Variants in KIAA0753 observed in about 807,000 individuals in gnomAD.
KIAA0753 encodes the protein KIAA0753, also known as protein moonraker.
A neutral mutation model predicts 116.9 loss-of-function variants in KIAA0753; 114 were observed. The observed-to-expected ratio is 0.98, with a 90% CI of 0.84 to 1.14. The LOEUF (loss-of-function observed/expected upper bound fraction) is 1.14. Among genes scored for constraint, KIAA0753 ranks in the 50% most tolerant of loss-of-function variants. KIAA0753 has a pLI of 0.00. For synonymous variants in KIAA0753, 405 were observed against 413.1 expected (o/e 0.98, Z 0.24); for missense variants, 1,156 against 1,172.4 (o/e 0.99, Z 0.20).
At chr17:6,614,427 C>A (rs1970745691) in intron 7 of KIAA0753, among the ~76,000 whole-genome samples, 1 of 150,732 alleles carries the variant, frequency 6.6e-6, no homozygotes, top group South Asian at 2.1e-4. Context: ...ATAAGGGAAA[C>A]CTATACAGCA....
chr17:6,603,545 G>C (rs1970006429), intron 12 of KIAA0753, among the ~76,000 whole-genome samples: 1 of 152,172 alleles, frequency 6.6e-6, no homozygotes, highest in Non-Finnish European at 1.5e-5. Flanking sequence ...TCTTCTTCCT[G>C]TTAATTACAA....
rs749310878 is a variant in KIAA0753, at chr17:6,623,541, A to G, written c.856T>C (p.Leu286=). 1 of 1,610,760 alleles carries G rather than the reference A, an allele frequency of 6.2e-7. No homozygotes were observed. Among genetic ancestry groups the G allele is most frequent in the Non-Finnish European group, 8.5e-7 (1 of 1,178,018 alleles). Residue 286 remains leucine, a synonymous_variant, in exon 5 of 19, where the codon TTG becomes CTG. Coordinates refer to ENST00000361413, the MANE Select transcript of KIAA0753 (RefSeq NM_014804.3). The stretch of plus-strand genomic sequence containing the variant: ...GTGTGTTTAATTTTATGTGGACTCA[A>G]TTTATCCAATTCTTCCTGGATTTCT... The part of the protein sequence containing the change: ...VKEIQEELDK[L]SPHKIKHTKK...
chr17:6,599,284 T>C lies in KIAA0753; in HGVS notation c.2125A>G (p.Lys709Glu). 7 of 1,613,876 alleles carry C rather than the reference T, an allele frequency of 4.3e-6. No homozygotes were observed. The highest frequency in any genetic ancestry group is 5.9e-6 in the Non-Finnish European group (7 of 1,179,760). Residue 709 changes from lysine (K) to glutamate (E), a missense_variant, in exon 14 of 19, where the codon AAA becomes GAA. Lys to Glu is a moderately conservative substitution (Grantham distance 56). Coordinates refer to ENST00000361413, the MANE Select transcript of KIAA0753 (RefSeq NM_014804.3). ...GCTGTGTTTACTGACGAGCCATCTT[T>C]CAAATGAATATTTGCTTCTGTAGTA... ...NSTTEANIHL[K>E]DGSSVNTAKA...
chr17:6,609,110 A>T (rs1970374707), intron 9 of KIAA0753, among the ~76,000 whole-genome samples: 1 of 152,216 alleles, frequency 6.6e-6, no homozygotes, highest in African/African-American at 2.4e-5. Flanking sequence ...CTTGAAAATG[A>T]GAGTGGATGG....
At chr17:6,610,890 C>G (rs1342516512) in intron 8 of KIAA0753, among the ~76,000 whole-genome samples, 1 of 152,160 alleles carries the variant, frequency 6.6e-6, no homozygotes, top group Non-Finnish European at 1.5e-5. Flanking sequence ...ATCTGAATTC[C>G]TACAGGTTCA....
At chr17:6,616,446 GTTAGCAA>G (rs1970939200) in intron 7 of KIAA0753, among the ~76,000 whole-genome samples, 2 of 152,164 alleles carry the variant, frequency 1.3e-5, no homozygotes, top group Non-Finnish European at 2.9e-5. Flanking sequence ...TTTTACAGCA[GTTAGCAA>G]TTAGATAATT....
chr17:6,622,186 T>C (rs1241426267), intron 6 of KIAA0753, among the ~76,000 whole-genome samples: 1 of 152,214 alleles, frequency 6.6e-6, no homozygotes, highest in Admixed American at 6.5e-5. Flanking sequence ...GAAAATAGAA[T>C]TTGATGCCTA....
chr17:6,607,289 A>C lies in KIAA0753; in HGVS notation c.1830-19T>G. ...AGCGAGCCTAGCAGACAGTCAAAAG[A>C]GTCAAACCAATTCTGCCTCGACACT... On this transcript the variant is annotated intron_variant, in intron 10 of 18. Transcript: ENST00000361413. The C allele has an allele frequency of 6.2e-7, 1 of 1,608,188 alleles. No individual in the cohort carries two copies. The highest frequency in any genetic ancestry group is 8.5e-7 in the Non-Finnish European group (1 of 1,174,866).
At position 6,596,339 on chromosome 17, in the gene KIAA0753, G is replaced by C. The variant is rs1487595511; in HGVS notation, c.2177C>G (p.Ala726Gly). Reference sequence around the variant, plus strand: ...GTTGTTGGATTCAAAATCAACAGCTGCAACCTACAAGATGGGGTGGGGTGG... The same window carrying C: ...GTTGTTGGATTCAAAATCAACAGCTCCAACCTACAAGATGGGGTGGGGTGG... ...TAKAQPAQEV[A>G]AVDFESNNIR... The change falls in exon 15 of 19, where the codon GCA becomes GGA. Residue 726 changes from alanine to glycine, a missense_variant. Transcript: ENST00000361413. 4 of 1,518,448 alleles carry C rather than the reference G, an allele frequency of 2.6e-6. No individual in the cohort carries two copies. Among genetic ancestry groups the C allele is most frequent in the Non-Finnish European group, 3.6e-6 (4 of 1,122,382 alleles). 94.1% of individuals were successfully genotyped at this position (1,518,448 alleles called of 1,614,324 possible). A position where few individuals can be genotyped will look rare whatever the true frequency, so the allele number is the denominator to read the frequency against.
At chr17:6,619,271 G>T (rs561413607) in intron 7 of KIAA0753, among the ~76,000 whole-genome samples, 1 of 152,126 alleles carries the variant, frequency 6.6e-6, no homozygotes, top group South Asian at 2.1e-4. Flanking sequence ...AGATGAAGAA[G>T]ATAAACATTG....
chr17:6,596,020 T>C (rs1376560921), intron 15 of KIAA0753, 138 bp downstream of exon 15: 7 of 797,428 alleles, frequency 8.8e-6, no homozygotes, highest in South Asian at 5.5e-5. Context: ...GGTCATACAG[T>C]TAGTTGGCAA....
chr17:6,601,393 T>C (rs1363615216), intron 12 of KIAA0753, among the ~76,000 whole-genome samples: 1 of 152,188 alleles, frequency 6.6e-6, no homozygotes, highest in Non-Finnish European at 1.5e-5. Context: ...GTATGCAGGC[T>C]AAATGCTATG....
intron 7 of KIAA0753, among the ~76,000 whole-genome samples, chr17:6,613,417 T>G (rs1386419114): frequency 6.6e-6 from 1 of 152,104 alleles, no homozygotes; most frequent in Non-Finnish European, 1.5e-5. Context: ...TCTAAATAAG[T>G]TGATCCAAAA....
rs138845369 is a variant in KIAA0753 at position 6,613,788 on chromosome 17, T to C, written c.1316-1640A>G. On this transcript the variant is annotated intron_variant, in intron 7 of 18. Coordinates refer to ENST00000361413, the MANE Select transcript of KIAA0753 (RefSeq NM_014804.3). ...ACTTTAAAACTTTAATTAGAAAATA[T>C]AGCAGACTATCAGTATAACACCAGG... Among the ~76,000 whole-genome samples the C allele has an allele frequency of 4.0e-3, 608 of 152,326 alleles. 6 individuals carry two copies. Among genetic ancestry groups the C allele is most frequent in the African/African-American group, 0.014 (572 of 41,564 alleles).
chr17:6,603,379 T>C (rs1041143252), intron 12 of KIAA0753, among the ~76,000 whole-genome samples: 1 of 152,200 alleles, frequency 6.6e-6, no homozygotes, highest in Non-Finnish European at 1.5e-5. Flanking sequence ...CAATAAGTCC[T>C]ATCATTATGA....
chr17:6,618,118 G>GA (rs200312478), intron 7 of KIAA0753, among the ~76,000 whole-genome samples: 37 of 149,310 alleles, frequency 2.5e-4, no homozygotes, highest in East Asian at 1.6e-3. Flanking sequence ...AAGAAAAAAA[G>GA]AAAAAAAAAA....
intron 1 of KIAA0753, chr17:6,638,240 C>G (rs1051026089): frequency 1.3e-5 from 2 of 153,204 alleles, no homozygotes; most frequent in African/African-American, 4.8e-5. Context: ...TCCTCCCCGC[C>G]AGACCACAGC....
In KIAA0753 at chr17:6,628,384, T is replaced by C; in HGVS notation, c.451A>G (p.Ser151Gly). 4 of 1,614,208 alleles carry C rather than the reference T, an allele frequency of 2.5e-6. No homozygotes were observed. The highest frequency in any genetic ancestry group is 1.6e-4 in the Middle Eastern group (1 of 6,062). ...DHRVERKESK[S>G]QAACQCSHQP... is the part of the protein sequence containing the mutation. Reference sequence around the variant, plus strand: ...TGGCTACACTGACAGGCTGCTTGACTCTTTGATTCCTTCCTTTCCACCCTG... The same window carrying C: ...TGGCTACACTGACAGGCTGCTTGACCCTTTGATTCCTTCCTTTCCACCCTG... Residue 151 changes from serine (S) to glycine (G), a missense_variant, in exon 3 of 19, where the codon AGT (serine) becomes GGT (glycine). Physicochemically the swap from Ser to Gly is moderately conservative, Grantham distance 56. Transcript: ENST00000361413.
Position 6,612,134 on chromosome 17 carries a change from C to T in KIAA0753, c.1330G>A (p.Asp444Asn), listed in dbSNP as rs2289643. The change falls in exon 8 of 19, where the codon GAT (aspartate) becomes AAT (asparagine). Residue 444 changes from aspartate (D) to asparagine (N), a missense_variant. Transcript: ENST00000361413. ...KQLLADKYQPDTELPETQRLQ... is the reference protein window; with the variant it reads ...KQLLADKYQPNTELPETQRLQ... ...CTCTGGGTCTCCGGAAGCTCCGTATCGGGCTGATACTTATCTACATGGAAA... is the reference window on the plus strand; with the variant it reads ...CTCTGGGTCTCCGGAAGCTCCGTATTGGGCTGATACTTATCTACATGGAAA... 0.54 allele frequency: 872,181 copies of T among 1,609,268 alleles called. 240,081 individuals are homozygous for T. Among genetic ancestry groups the T allele is most frequent in the East Asian group, 0.72 (32,454 of 44,862 alleles).
Sources: gnomAD v4.1 joint callset for allele counts (sites outside exome capture counted in the v4.1 genomes callset) on GRCh38, gnomAD v4.1.1 for gene constraint, MANE v1.5 for transcripts, NCBI Gene and HGNC (gene_info 2026-07-23, HGNC 2026-07-21) for gene names.